Variants in MEMO1 observed in about 807,000 individuals in gnomAD.
MEMO1 encodes mediator of cell motility 1.
MEMO1 carries 6 observed loss-of-function variants against 45.2 expected under a neutral mutation model. The ratio of observed to expected loss-of-function variants is 0.13; its 90% CI spans 0.07 to 0.26. The LOEUF (loss-of-function observed/expected upper bound fraction) is 0.26. Ranked by LOEUF, MEMO1 falls within the 10% of genes least tolerant of loss-of-function variation. The probability of loss-of-function intolerance (pLI) is 1.00; values close to 1 mark genes in which losing one functional copy is unlikely to be tolerated. For synonymous variants in MEMO1, 78 were observed against 124.3 expected (o/e 0.63, Z 2.48); for missense variants, 184 against 370.5 (o/e 0.50, Z 4.13).
intron 6 of MEMO1, among the ~76,000 whole-genome samples, chr2:31,898,950 C>T (rs969079758): frequency 4.6e-5 from 7 of 152,144 alleles, no homozygotes; most frequent in South Asian, 2.1e-4. Context: ...GCATTGATCC[C>T]TTTACCATTA....
At chr2:31,887,173 T>C (rs182370185) in intron 7 of MEMO1, among the ~76,000 whole-genome samples, 1 of 152,262 alleles carries the variant, frequency 6.6e-6, no homozygotes, top group East Asian at 1.9e-4. Flanking sequence ...GTGTGGAGAA[T>C]AAGCTCCAGG....
At chr2:31,990,947 A>T (rs1381358280) in intron 2 of MEMO1, among the ~76,000 whole-genome samples, 2 of 152,180 alleles carry the variant, frequency 1.3e-5, no homozygotes, top group Non-Finnish European at 2.9e-5. Flanking sequence ...TGAATGTGTC[A>T]TATCTTCCTC....
chr2:31,991,648 TA>T (rs1671970410), intron 2 of MEMO1, among the ~76,000 whole-genome samples: 1 of 149,702 alleles, frequency 6.7e-6, no homozygotes, highest in African/African-American at 2.5e-5. Flanking sequence ...TAATTAAGTG[TA>T]AAATAATTCT....
chr2:31,969,574 GGTGTGTGTGTGGGTGTGTGT>G (rs1399281272), intron 2 of MEMO1, among the ~76,000 whole-genome samples: 4 of 110,784 alleles, frequency 3.6e-5, no homozygotes, highest in Admixed American at 1.9e-4. Flanking sequence ...CTTTTCTGGG[GGTGTGTGTGTGGGTGTGTGT>G]GTGTGTGTGT....
chr2:31,988,663 A>G (rs1258867796), intron 2 of MEMO1, among the ~76,000 whole-genome samples: 2 of 152,206 alleles, frequency 1.3e-5, no homozygotes, highest in Non-Finnish European at 2.9e-5. Flanking sequence ...CACTCACCAA[A>G]TTTTTTAAAG....
chr2:31,870,709 TG>T (rs1673582647), intron 8 of MEMO1, among the ~76,000 whole-genome samples: 1 of 152,098 alleles, frequency 6.6e-6, no homozygotes, highest in Admixed American at 6.6e-5. Flanking sequence ...CCTGAGTAAC[TG>T]GGATTACAGA....
intron 6 of MEMO1, among the ~76,000 whole-genome samples, chr2:31,896,418 T>C (rs976652803): frequency 6.6e-6 from 1 of 152,194 alleles, no homozygotes; most frequent in African/African-American, 2.4e-5. Flanking sequence ...CAGTACAGTA[T>C]AGCAACTGCT....
intron 6 of MEMO1, among the ~76,000 whole-genome samples, chr2:31,912,523 A>AC (rs1370866569): frequency 1.3e-5 from 2 of 151,278 alleles, no homozygotes; most frequent in Admixed American, 6.6e-5. Context: ...CAAAAAAAAA[A>AC]AAAAAAAAAG....
intron 3 of MEMO1, among the ~76,000 whole-genome samples, chr2:31,935,960 TTTTA>T (rs778694938): frequency 6.6e-5 from 10 of 152,070 alleles, no homozygotes; most frequent in African/African-American, 1.4e-4. Flanking sequence ...TATTTTTTAT[TTTTA>T]TTTATTTATT....
chr2:31,884,961 T>A (rs867771907), intron 7 of MEMO1, among the ~76,000 whole-genome samples: 2 of 152,200 alleles, frequency 1.3e-5, no homozygotes, highest in Admixed American at 6.5e-5. Flanking sequence ...AAAACAATGA[T>A]AATTTATTGT....
At chr2:32,002,898 T>C (rs1256019543) in intron 2 of MEMO1, among the ~76,000 whole-genome samples, 1 of 152,148 alleles carries the variant, frequency 6.6e-6, no homozygotes, top group Non-Finnish European at 1.5e-5. Context: ...ATATCAACAG[T>C]TTGCCTGTTA....
intron 6 of MEMO1, among the ~76,000 whole-genome samples, chr2:31,912,650 A>G (rs540419313): frequency 2.0e-5 from 3 of 152,258 alleles, no homozygotes; most frequent in Non-Finnish European, 4.4e-5. Flanking sequence ...AAACAGAACA[A>G]AGTGTATAAG....
intron 2 of MEMO1, among the ~76,000 whole-genome samples, chr2:31,984,115 T>A (rs550023068): frequency 3.3e-5 from 5 of 152,158 alleles, no homozygotes; most frequent in Non-Finnish European, 4.4e-5. Context: ...AAAGTGTGGG[T>A]TGGACTTCAG....
chr2:31,884,560 A>G (rs1675901526), intron 7 of MEMO1, among the ~76,000 whole-genome samples: 1 of 152,220 alleles, frequency 6.6e-6, no homozygotes, highest in Admixed American at 6.5e-5. Flanking sequence ...TACTAAAAAA[A>G]TTATGTAAAT....
chr2:31,999,052 T>C (rs1322508929), intron 2 of MEMO1, among the ~76,000 whole-genome samples: 1 of 152,232 alleles, frequency 6.6e-6, no homozygotes, highest in African/African-American at 2.4e-5. Flanking sequence ...GAGATAACCA[T>C]GACTCCTTTC....
chr2:31,971,288 C>T (rs948987658), intron 2 of MEMO1, among the ~76,000 whole-genome samples: 3 of 152,052 alleles, frequency 2.0e-5, no homozygotes, highest in Admixed American at 1.3e-4. Flanking sequence ...TGCTCTGTTG[C>T]CCAAGCTGTT....
chr2:31,927,828 G>T lies in MEMO1; in HGVS notation c.212+4239C>A, dbSNP rs1322787324. Among the ~76,000 whole-genome samples, 5 of 151,842 alleles carry T rather than the reference G, an allele frequency of 3.3e-5. No homozygotes were observed. The East Asian group carries it at 9.6e-4, about 29-fold the overall frequency. On this transcript the variant is annotated intron_variant, in intron 4 of 9. Coordinates refer to ENST00000404530, the MANE Select transcript of MEMO1 (RefSeq NM_001301833.4). ...CAAAGGTAGATGTGGTCTACATTTG[G>T]TGTCCTTAATAAGTTAAGGGTTCCT... is the stretch of plus-strand genomic sequence containing the variant.
At chr2:31,978,257 G>C (rs1358892475) in intron 2 of MEMO1, among the ~76,000 whole-genome samples, 1 of 151,836 alleles carries the variant, frequency 6.6e-6, no homozygotes, top group African/African-American at 2.4e-5. Context: ...CGTGGTGGTG[G>C]GCACCTGTAA....
chr2:31,936,776 T>C (rs1664968503), intron 3 of MEMO1, among the ~76,000 whole-genome samples: 1 of 152,202 alleles, frequency 6.6e-6, no homozygotes, highest in South Asian at 2.1e-4. Flanking sequence ...ACATTCTATG[T>C]AAGGCTTTTC....
Sources: gnomAD v4.1 joint callset for allele counts (sites outside exome capture counted in the v4.1 genomes callset) on GRCh38, gnomAD v4.1.1 for gene constraint, MANE v1.5 for transcripts, NCBI Gene and HGNC (gene_info 2026-07-23, HGNC 2026-07-21) for gene names.